Variants in GPN2 observed in about 807,000 individuals in gnomAD.
GPN2 encodes ATP-binding domain 1 family member B.
In GPN2, 27 loss-of-function variants were observed where a neutral mutation model predicts 30.1. The ratio of observed to expected loss-of-function variants is 0.90; its 90% CI spans 0.66 to 1.24. The LOEUF (loss-of-function observed/expected upper bound fraction) is 1.24. GPN2 is among the 50% of genes most tolerant of loss of function. The probability of loss-of-function intolerance (pLI) is 0.00; values close to 1 mark genes in which losing one functional copy is unlikely to be tolerated. For synonymous variants in GPN2, 212 were observed against 174.4 expected (o/e 1.22, Z -1.70); for missense variants, 406 against 405.4 (o/e 1.00, Z -0.01).
intron 3 of GPN2, among the ~76,000 whole-genome samples, chr1:26,885,412 C>A (rs1243635136): frequency 6.6e-6 from 1 of 152,022 alleles, no homozygotes; most frequent in African/African-American, 2.4e-5. Flanking sequence ...CTGAACTCAC[C>A]CATTTTCACA....
At position 26,877,853 on chromosome 1, in the gene GPN2, G is replaced by A. The variant is rs2081844799; in HGVS notation, c.*1824C>T. The A allele has an allele frequency of 6.6e-6, 1 of 152,182 alleles. No homozygotes were observed. Among genetic ancestry groups the A allele is most frequent in the Non-Finnish European group, 1.5e-5 (1 of 68,048 alleles). The allele number at this position is 152,182 out of a possible 1,614,324, so 9.4% of individuals were successfully genotyped here. Reference sequence around the variant, plus strand: ...GTTCAAGACCAGCCTGAACAACATGGTGAAACCCCGTCTTTACTAAAAATA... The same window carrying A: ...GTTCAAGACCAGCCTGAACAACATGATGAAACCCCGTCTTTACTAAAAATA... On this transcript the variant is annotated 3_prime_UTR_variant, in exon 5 of 5. Coordinates refer to ENST00000374135, the MANE Select transcript of GPN2 (RefSeq NM_018066.4).
chr1:26,883,427 G>A (rs2081874226), intron 4 of GPN2, among the ~76,000 whole-genome samples: 1 of 152,172 alleles, frequency 6.6e-6, no homozygotes, highest in Non-Finnish European at 1.5e-5. Flanking sequence ...AACCAACTCT[G>A]AAGCCAAGGG....
Position 26,889,139 on chromosome 1 carries a change from G to T in GPN2, c.412-14C>A. 6.2e-7 allele frequency: 1 copy of T among 1,610,108 alleles called. No individual in the cohort carries two copies. Among genetic ancestry groups the T allele is most frequent in the Non-Finnish European group, 8.5e-7 (1 of 1,176,888 alleles). ...GACGGCAGTCAGCTGGGAGGGAATA[G>T]ACAGGGTGAGAGTGGCCTGGAGAAA... On this transcript the variant is annotated splice_polypyrimidine_tract_variant and intron_variant, in intron 1 of 4. Transcript: ENST00000374135.
At position 26,889,001 on chromosome 1, in the gene GPN2, T is replaced by C; in HGVS notation, c.536A>G (p.Lys179Arg). 1.2e-6 allele frequency: 2 copies of C among 1,614,224 alleles called. No individual in the cohort carries two copies. The highest frequency in any genetic ancestry group is 1.7e-6 in the Non-Finnish European group (2 of 1,180,036). The change falls in exon 2 of 5, where the codon AAG (lysine) becomes AGG (arginine). Residue 179 changes from lysine (K) to arginine (R), a missense_variant. Physicochemically the swap from Lys to Arg is conservative, Grantham distance 26. Coordinates refer to ENST00000374135, the MANE Select transcript of GPN2 (RefSeq NM_018066.4). ...VELPHINLLS[K>R]MDLIEHYGKL... ...CCCATAATGCTCAATGAGGTCCATC[T>C]TGGAAAGGAGGTTGATGTGGGGCAG...
rs2081844944 is a variant in GPN2 at position 26,877,898 on chromosome 1, T to C, written c.*1779A>G. ...AAAATACAAAAATTAGCCGGGCATG[T>C]GGTAGGCGCCTGTAATCCCAGCTAC... On this transcript the variant is annotated 3_prime_UTR_variant, in exon 5 of 5. Transcript: ENST00000374135. 6.6e-6 allele frequency: 1 copy of C among 152,128 alleles called. No homozygotes were observed. The highest frequency in any genetic ancestry group is 1.5e-5 in the Non-Finnish European group (1 of 68,032). The allele number at this position is 152,128 out of a possible 1,614,324, so 9.4% of individuals were successfully genotyped here.
At chr1:26,882,276 T>C (rs1040123738) in intron 4 of GPN2, among the ~76,000 whole-genome samples, 3 of 150,332 alleles carry the variant, frequency 2.0e-5, no homozygotes, top group South Asian at 2.1e-4. Context: ...CCCAGCTACT[T>C]AGGAGGCTGA....
chr1:26,889,104 C>A lies in GPN2; in HGVS notation c.433G>T (p.Asp145Tyr). The A allele has an allele frequency of 1.2e-6, 2 of 1,613,818 alleles. No individual in the cohort carries two copies. The highest frequency in any genetic ancestry group is 1.7e-6 in the Non-Finnish European group (2 of 1,179,774). ...DLRLTAVHLVDSHYCTDPAKF... is the reference protein window; with the variant it reads ...DLRLTAVHLVYSHYCTDPAKF... ...GCAGGGTCTGTGCAGTAGTGAGAAT[C>A]CACGAGGTGGACGGCAGTCAGCTGG... The change falls in exon 2 of 5, where the codon GAT becomes TAT. Residue 145 changes from aspartate (D) to tyrosine (Y), a missense_variant. Asp to Tyr is a radical substitution (Grantham distance 160, BLOSUM62 -3). Transcript: ENST00000374135.
chr1:26,881,848 C>T (rs866330893), intron 4 of GPN2, among the ~76,000 whole-genome samples: 1 of 151,474 alleles, frequency 6.6e-6, no homozygotes, highest in Non-Finnish European at 1.5e-5. Context: ...AGTTCAAGGT[C>T]GCAGTGAGCT....
At chr1:26,886,205 CT>C in intron 2 of GPN2, 72 bp from the exon 3 acceptor site, 3 of 1,069,638 alleles carry the variant, frequency 2.8e-6, no homozygotes, top group Non-Finnish European at 2.7e-6. Flanking sequence ...TTCCTTTTTC[CT>C]TTTTTCCTTT....
At chr1:26,888,224 A>G (rs2081901570) in intron 2 of GPN2, among the ~76,000 whole-genome samples, 1 of 152,062 alleles carries the variant, frequency 6.6e-6, no homozygotes, top group South Asian at 2.1e-4. Flanking sequence ...CCCCTGCCTC[A>G]TACCAGCCTG....
rs1373533774 is a variant in GPN2, at chr1:26,884,199, AT to A, written c.820del (p.Met274Ter). On this transcript the variant is annotated frameshift_variant, in exon 4 of 5. Coordinates refer to ENST00000374135, the MANE Select transcript of GPN2 (RefSeq NM_018066.4). LOFTEE classifies it high-confidence loss of function. ...RAQEQRSLEA[M>X]MSAAMGADFH... ...GTCGGCTCCCATTGCGGCAGACATC[AT>A]GGCTTCCAAGCTTCGCTGCTCTTGG... 1 of 1,614,058 alleles carries A rather than the reference AT, an allele frequency of 6.2e-7. No individual in the cohort carries two copies. Among genetic ancestry groups the A allele is most frequent in the Non-Finnish European group, 8.5e-7 (1 of 1,180,008 alleles).
intron 4 of GPN2, among the ~76,000 whole-genome samples, chr1:26,881,229 C>T (rs928333207): frequency 2.2e-4 from 33 of 152,236 alleles, no homozygotes; most frequent in Admixed American, 5.9e-4. Context: ...TATCTTAAGT[C>T]GAAAATGCAT....
Position 26,890,162 on chromosome 1 carries a change from C to G in GPN2, c.-66G>C, listed in dbSNP as rs2081914414. On this transcript the variant is annotated 5_prime_UTR_variant, in exon 1 of 5. Coordinates refer to ENST00000374135, the MANE Select transcript of GPN2 (RefSeq NM_018066.4). ...ACGGGGCAGGTAGCCGCGCCGGAGA[C>G]GAGACTGAGGGCGAGGGTCCCAGTA... 3 of 1,359,166 alleles carry G rather than the reference C, an allele frequency of 2.2e-6. No individual in the cohort carries two copies. Among genetic ancestry groups the G allele is most frequent in the Admixed American group, 2.7e-5 (1 of 36,490 alleles). 84.2% of individuals were successfully genotyped at this position (1,359,166 alleles called of 1,614,324 possible).
chr1:26,883,207 C>T (rs2081873058), intron 4 of GPN2, among the ~76,000 whole-genome samples: 1 of 152,208 alleles, frequency 6.6e-6, no homozygotes, highest in African/African-American at 2.4e-5. Flanking sequence ...CCACTGCCCA[C>T]CCATGAACTG....
intron 4 of GPN2, among the ~76,000 whole-genome samples, chr1:26,883,054 C>A (rs1022126434): frequency 3.3e-5 from 5 of 152,188 alleles, no homozygotes; most frequent in African/African-American, 1.2e-4. Flanking sequence ...ATCTTTCAAC[C>A]CTTCTCACCT....
At chr1:26,881,906 C>A (rs1472691230) in intron 4 of GPN2, among the ~76,000 whole-genome samples, 11 of 151,820 alleles carry the variant, frequency 7.2e-5, no homozygotes, top group Non-Finnish European at 1.3e-4. Context: ...CAAGACCCTG[C>A]CTCTAAGAAA....
chr1:26,886,562 A>C (rs2081892187), intron 2 of GPN2: 4 of 424,656 alleles, frequency 9.4e-6, no homozygotes, highest in Non-Finnish European at 1.9e-5. Context: ...CGGTGGCTCA[A>C]GCCTGTAATC....
Position 26,884,227 on chromosome 1 carries a change from C to G in GPN2, c.793G>C (p.Ala265Pro). The G allele has an allele frequency of 6.2e-7, 1 of 1,613,986 alleles. No homozygotes were observed. The change falls in exon 4 of 5, where the codon GCC (alanine) becomes CCC (proline). Residue 265 changes from alanine to proline, a missense_variant. Physicochemically the swap from Ala to Pro is conservative, Grantham distance 27 (BLOSUM62 -1). Coordinates refer to ENST00000374135, the MANE Select transcript of GPN2 (RefSeq NM_018066.4). ...VDKANGYCFR[A>P]QEQRSLEAMM... ...GCTTCCAAGCTTCGCTGCTCTTGGGCTCTGAAACAGTATCCATTGGCTTTA... is the reference window on the plus strand; with the variant it reads ...GCTTCCAAGCTTCGCTGCTCTTGGGGTCTGAAACAGTATCCATTGGCTTTA...
At chr1:26,888,930 G>C in intron 2 of GPN2, 39 bp downstream of exon 2, 1 of 1,608,414 alleles carries the variant, frequency 6.2e-7, no homozygotes, top group Non-Finnish European at 8.5e-7. Flanking sequence ...TTCTAGCCCA[G>C]CTGCTGCCCT....
Sources: gnomAD v4.1 joint callset for allele counts (sites outside exome capture counted in the v4.1 genomes callset) on GRCh38, gnomAD v4.1.1 for gene constraint, MANE v1.5 for transcripts, NCBI Gene and HGNC (gene_info 2026-07-23, HGNC 2026-07-21) for gene names.